CSMD1: variants seen among roughly 807,000 people sequenced by gnomAD.
CSMD1 encodes the protein CUB and sushi domain-containing protein 1.
In CSMD1, 213 loss-of-function variants were observed where a neutral mutation model predicts 417.5. The observed-to-expected ratio is 0.51, with a 90% confidence interval of 0.46 to 0.57. The LOEUF (loss-of-function observed/expected upper bound fraction) is 0.57. Among genes scored for constraint, CSMD1 ranks in the 20% least tolerant of loss-of-function variants. The pLI, the probability that CSMD1 is intolerant of heterozygous loss-of-function variation, is 0.00. For missense variants in CSMD1, 6,923 were observed against 4,529.7 expected (o/e 1.53, Z -15.17); for synonymous variants, 2,862 against 1,736.8 (o/e 1.65, Z -16.11).
chr8:4,697,451 C>T (rs79879861), intron 1 of CSMD1, among the ~76,000 whole-genome samples: 5,531 of 152,188 alleles, frequency 0.036, 118 homozygotes, highest in East Asian at 0.092. Context: ...GAGGCAAGTT[C>T]AATACGTAAA....
chr8:3,150,796 C>T (rs1819148077), intron 40 of CSMD1, among the ~76,000 whole-genome samples: 1 of 152,000 alleles, frequency 6.6e-6, no homozygotes, highest in African/African-American at 2.4e-5. Flanking sequence ...CAAAATTTCA[C>T]AAAGACCATG....
At chr8:3,409,717 T>C in intron 12 of CSMD1, 112 bp from the exon 13 acceptor site, 1 of 763,648 alleles carries the variant, frequency 1.3e-6, no homozygotes, top group Non-Finnish European at 2.1e-6. Context: ...TAAACATCAT[T>C]TTTGTAAAGT....
chr8:3,793,037 G>A (rs1279952052), intron 5 of CSMD1, among the ~76,000 whole-genome samples: 2 of 152,170 alleles, frequency 1.3e-5, no homozygotes, highest in African/African-American at 4.8e-5. Context: ...GAGGATGGGC[G>A]AGTGCTAAGA....
chr8:4,780,947 T>C (rs1183022430), intron 1 of CSMD1, among the ~76,000 whole-genome samples: 1 of 152,238 alleles, frequency 6.6e-6, no homozygotes, highest in Non-Finnish European at 1.5e-5. Context: ...TTTATAAGGC[T>C]CAAGCAATGA....
intron 3 of CSMD1, among the ~76,000 whole-genome samples, chr8:4,193,141 G>A (rs774698821): frequency 6.6e-6 from 1 of 152,026 alleles, no homozygotes; most frequent in East Asian, 1.9e-4. Context: ...AAAGACATCT[G>A]TAAAAGATAA....
intron 3 of CSMD1, among the ~76,000 whole-genome samples, chr8:4,120,718 G>C (rs556762793): frequency 2.0e-5 from 3 of 152,274 alleles, no homozygotes; most frequent in African/African-American, 7.2e-5. Flanking sequence ...AACACTCCAG[G>C]CTCATGCAGA....
At chr8:3,360,749 A>G (rs984331879) in intron 20 of CSMD1, among the ~76,000 whole-genome samples, 1 of 152,168 alleles carries the variant, frequency 6.6e-6, no homozygotes, top group Non-Finnish European at 1.5e-5. Flanking sequence ...TTCTAACACC[A>G]TCTTTAGGGT....
intron 7 of CSMD1, among the ~76,000 whole-genome samples, chr8:3,688,937 G>C (rs1054584121): frequency 6.6e-6 from 1 of 152,076 alleles, no homozygotes; most frequent in Non-Finnish European, 1.5e-5. Context: ...TGAAAATTAA[G>C]TAATTAAATG....
At chr8:4,262,769 C>G (rs941513884) in intron 3 of CSMD1, among the ~76,000 whole-genome samples, 3 of 152,136 alleles carry the variant, frequency 2.0e-5, no homozygotes, top group South Asian at 2.1e-4. Context: ...GCAAACTCAG[C>G]TATGGAGAGG....
intron 1 of CSMD1, among the ~76,000 whole-genome samples, chr8:4,868,551 T>C (rs990626093): frequency 6.6e-6 from 1 of 152,062 alleles, no homozygotes; most frequent in Admixed American, 6.5e-5. Context: ...GGGATCATTA[T>C]TGTTACCGTT....
intron 2 of CSMD1, among the ~76,000 whole-genome samples, chr8:4,428,381 A>T (rs1355071762): frequency 1.3e-5 from 2 of 152,190 alleles, no homozygotes; most frequent in Non-Finnish European, 2.9e-5. Flanking sequence ...GTAGCTTGTT[A>T]TCTTCCTTGT....
intron 6 of CSMD1, among the ~76,000 whole-genome samples, chr8:3,752,384 G>A (rs28627820): frequency 0.19 from 28,361 of 152,040 alleles, 3,107 homozygotes; most frequent in South Asian, 0.29. Flanking sequence ...GCTGGGTACG[G>A]TGGCTCACAC....
chr8:4,748,596 G>C (rs1408578758), intron 1 of CSMD1, among the ~76,000 whole-genome samples: 1 of 152,192 alleles, frequency 6.6e-6, no homozygotes, highest in African/African-American at 2.4e-5. Flanking sequence ...GACTCACGGG[G>C]AGAAATCATA....
At chr8:4,606,297 T>C (rs1052062606) in intron 2 of CSMD1, among the ~76,000 whole-genome samples, 2 of 151,826 alleles carry the variant, frequency 1.3e-5, no homozygotes, top group African/African-American at 2.4e-5. Flanking sequence ...TGACTTAGAG[T>C]CTGTTTATAA....
intron 23 of CSMD1, among the ~76,000 whole-genome samples, chr8:3,333,348 G>T (rs4395910): frequency 0.58 from 87,693 of 152,060 alleles, 26,693 homozygotes; most frequent in African/African-American, 0.76. Flanking sequence ...AGAAAACTAA[G>T]GTACACAACA....
intron 1 of CSMD1, among the ~76,000 whole-genome samples, chr8:4,957,971 T>C (rs748179513): frequency 4.6e-5 from 7 of 152,180 alleles, no homozygotes; most frequent in East Asian, 1.9e-4. Flanking sequence ...CTTAGTAAGA[T>C]GTTATTTTTT....
chr8:3,189,769 T>C, intron 34 of CSMD1, 143 bp downstream of exon 34: 1 of 657,968 alleles, frequency 1.5e-6, no homozygotes, highest in Non-Finnish European at 2.5e-6. Context: ...GGCTACTAAC[T>C]CAATTACTTC....
At chr8:3,810,047 T>C (rs1800974179) in intron 5 of CSMD1, among the ~76,000 whole-genome samples, 1 of 152,184 alleles carries the variant, frequency 6.6e-6, no homozygotes, top group South Asian at 2.1e-4. Flanking sequence ...TAGTCCTCTG[T>C]CACACCTACA....
At chr8:4,141,555 C>G (rs1191881893) in intron 3 of CSMD1, among the ~76,000 whole-genome samples, 1 of 151,140 alleles carries the variant, frequency 6.6e-6, no homozygotes, top group African/African-American at 2.5e-5. Flanking sequence ...GGTTAAGAAG[C>G]TCTTACAAAC....
Sources: gnomAD v4.1 joint callset for allele counts (sites outside exome capture counted in the v4.1 genomes callset) on GRCh38, gnomAD v4.1.1 for gene constraint, MANE v1.5 for transcripts, NCBI Gene and HGNC (gene_info 2026-07-23, HGNC 2026-07-21) for gene names.